Variants in PLCXD3 observed in about 807,000 individuals in gnomAD.
The protein encoded by PLCXD3 is PI-PLC X domain-containing protein 3.
In PLCXD3, 19 loss-of-function variants were observed where a neutral mutation model predicts 25.5. The ratio of observed to expected loss-of-function variants is 0.75; its 90% CI spans 0.52 to 1.09. The LOEUF (loss-of-function observed/expected upper bound fraction) is 1.09, where lower values mean the gene tolerates loss of function less well. Ranked by LOEUF, PLCXD3 falls within the 50% of genes least tolerant of loss-of-function variation. The probability of loss-of-function intolerance (pLI) is 0.00; values close to 1 mark genes in which losing one functional copy is unlikely to be tolerated. For synonymous variants in PLCXD3, 174 were observed against 137.6 expected, an observed-to-expected ratio of 1.26 and a Z score of -1.85; for missense variants, 411 against 388.1, an observed-to-expected ratio of 1.06 and a Z score of -0.50.
At position 41,323,274 on chromosome 5, in the gene PLCXD3, A is replaced by AT. The variant is rs1372368736; in HGVS notation, c.813-9505_813-9504insA. On this transcript the variant is annotated intron_variant, in intron 2 of 2. Transcript: ENST00000377801. The stretch of plus-strand genomic sequence containing the variant: ...GGGGTGGTTAAAAAGTATAAAAAAA[A>AT]GTTAGAAAGAAGAAATGAGATCTAT... 2.0e-5 allele frequency among the ~76,000 whole-genome samples: 3 copies of AT among 152,132 alleles called. No homozygotes were observed. The East Asian group carries it at 5.8e-4, about 29-fold the overall frequency.
At chr5:41,502,384 T>C (rs1399466481) in intron 1 of PLCXD3, among the ~76,000 whole-genome samples, 1 of 151,994 alleles carries the variant, frequency 6.6e-6, no homozygotes, top group East Asian at 1.9e-4. Context: ...TGTCTGTGTG[T>C]ATGTGTATGT....
At chr5:41,366,865 C>T (rs1744952052) in intron 2 of PLCXD3, among the ~76,000 whole-genome samples, 1 of 152,168 alleles carries the variant, frequency 6.6e-6, no homozygotes, top group Non-Finnish European at 1.5e-5. Context: ...TTTTCCTCTC[C>T]CACTTATAAG....
chr5:41,309,624 G>A lies in PLCXD3; in HGVS notation c.*3993C>T, dbSNP rs1743078679. ...CCTGAGACTTCCAACTTTCCAGTCT[G>A]GAATCCTAACAAGGAAGAACCTGAA... On this transcript the variant is annotated 3_prime_UTR_variant, in exon 3 of 3. Coordinates refer to ENST00000377801, the MANE Select transcript of PLCXD3 (RefSeq NM_001005473.3). 6.6e-6 allele frequency: 1 copy of A among 152,118 alleles called. No homozygotes were observed. Among genetic ancestry groups the A allele is most frequent in the South Asian group, 2.1e-4 (1 of 4,830 alleles). The allele number at this position is 152,118 out of a possible 1,614,324, so 9.4% of individuals were successfully genotyped here.
At chr5:41,468,376 T>C (rs1242310453) in intron 1 of PLCXD3, among the ~76,000 whole-genome samples, 1 of 152,124 alleles carries the variant, frequency 6.6e-6, no homozygotes, top group African/African-American at 2.4e-5. Flanking sequence ...TGTGGTTCCA[T>C]GCAAATTTAA....
rs2150464978 is a variant in PLCXD3, at chr5:41,309,171, T to TAA, written c.*4444_*4445dup. 1 of 152,700 alleles carries TAA rather than the reference T, an allele frequency of 6.5e-6. No homozygotes were observed. Among genetic ancestry groups the TAA allele is most frequent in the South Asian group, 2.1e-4 (1 of 4,834 alleles). The allele number at this position is 152,700 out of a possible 1,614,324, so 9.5% of individuals were successfully genotyped here. A position where few individuals can be genotyped will look rare whatever the true frequency, so the allele number is the denominator to read the frequency against. The stretch of plus-strand genomic sequence containing the variant: ...CTTTTGACTCATACAAATATACGTT[T>TAA]AAAACTATTACCTACAAAATAGTAT... On this transcript the variant is annotated 3_prime_UTR_variant, in exon 3 of 3. Transcript: ENST00000377801.
chr5:41,483,805 T>C (rs1748462278), intron 1 of PLCXD3, among the ~76,000 whole-genome samples: 1 of 152,166 alleles, frequency 6.6e-6, no homozygotes, highest in South Asian at 2.1e-4. Context: ...GATGAAATAT[T>C]TTAGAAGTAG....
chr5:41,424,399 G>C (rs1039916310), intron 1 of PLCXD3, among the ~76,000 whole-genome samples: 2 of 152,108 alleles, frequency 1.3e-5, no homozygotes, highest in Non-Finnish European at 2.9e-5. Context: ...AATTAGCCGG[G>C]TGTGGTGGTG....
At chr5:41,394,804 G>A (rs1561258775) in intron 1 of PLCXD3, among the ~76,000 whole-genome samples, 1 of 152,120 alleles carries the variant, frequency 6.6e-6, no homozygotes, top group Non-Finnish European at 1.5e-5. Context: ...GCACCCAACA[G>A]TGGATAACCT....
chr5:41,489,411 G>A (rs1443689482), intron 1 of PLCXD3, among the ~76,000 whole-genome samples: 6 of 151,844 alleles, frequency 4.0e-5, no homozygotes, highest in South Asian at 2.1e-4. Context: ...TTGGCGATGC[G>A]GGCTCTTTTT....
chr5:41,489,939 C>G (rs1228190661), intron 1 of PLCXD3, among the ~76,000 whole-genome samples: 1 of 151,880 alleles, frequency 6.6e-6, no homozygotes, highest in Non-Finnish European at 1.5e-5. Flanking sequence ...CTTCTCCTGC[C>G]TAATTGCCCT....
At chr5:41,370,170 T>A (rs771567563) in intron 2 of PLCXD3, among the ~76,000 whole-genome samples, 1 of 152,168 alleles carries the variant, frequency 6.6e-6, no homozygotes. Flanking sequence ...TGCAAAAAAA[T>A]GAATTATGAC....
intron 2 of PLCXD3, among the ~76,000 whole-genome samples, chr5:41,362,939 A>G (rs1561245870): frequency 6.6e-6 from 1 of 152,208 alleles, no homozygotes; most frequent in Non-Finnish European, 1.5e-5. Context: ...AATAATTCAA[A>G]TGAAACTAGT....
At chr5:41,493,980 T>C (rs1252697331) in intron 1 of PLCXD3, among the ~76,000 whole-genome samples, 1 of 152,228 alleles carries the variant, frequency 6.6e-6, no homozygotes, top group Non-Finnish European at 1.5e-5. Flanking sequence ...CCTAGTGAGA[T>C]GAACCTCGTA....
chr5:41,332,999 A>G (rs1407565013), intron 2 of PLCXD3, among the ~76,000 whole-genome samples: 1 of 152,128 alleles, frequency 6.6e-6, no homozygotes, highest in Non-Finnish European at 1.5e-5. Flanking sequence ...ATGCTAAATG[A>G]CGAGTTAACG....
chr5:41,493,929 G>A (rs916435671), intron 1 of PLCXD3, among the ~76,000 whole-genome samples: 62 of 152,300 alleles, frequency 4.1e-4, no homozygotes, highest in African/African-American at 1.4e-3. Flanking sequence ...CTCGCGCACA[G>A]TGCGCTGCAC....
At position 41,312,188 on chromosome 5, in the gene PLCXD3, G is replaced by A. The variant is rs1308996394; in HGVS notation, c.*1429C>T. ...TGTCATTGTTCTTCCCTGTAGACCC[G>A]GACTATTAAACGTTAGGTTGCAGAA... On this transcript the variant is annotated 3_prime_UTR_variant, in exon 3 of 3. Coordinates refer to ENST00000377801, the MANE Select transcript of PLCXD3 (RefSeq NM_001005473.3). 4 of 152,176 alleles carry A rather than the reference G, an allele frequency of 2.6e-5. No homozygotes were observed. The highest frequency in any genetic ancestry group is 2.9e-5 in the Non-Finnish European group (2 of 67,944). The allele number at this position is 152,176 out of a possible 1,614,324, so 9.4% of individuals were successfully genotyped here.
At chr5:41,488,097 C>G (rs10065795) in intron 1 of PLCXD3, among the ~76,000 whole-genome samples, 11,456 of 137,396 alleles carry the variant, frequency 0.083, 645 homozygotes, top group South Asian at 0.16. Context: ...ACAACAGTCC[C>G]CAGAGTGTGA....
At position 41,430,977 on chromosome 5, in the gene PLCXD3, G is replaced by A. The variant is rs529301977; in HGVS notation, c.104-48443C>T. Among the ~76,000 whole-genome samples the A allele has an allele frequency of 7.9e-5, 12 of 152,212 alleles. No homozygotes were observed. The South Asian group carries it at 2.5e-3, about 32-fold the overall frequency. On this transcript the variant is annotated intron_variant, in intron 1 of 2. Transcript: ENST00000377801. ...TTCCCAGCTTTGAGCTGACCAATTGGTCATCCTCTAATGGGGTATTTGACA... is the reference window on the plus strand; with the variant it reads ...TTCCCAGCTTTGAGCTGACCAATTGATCATCCTCTAATGGGGTATTTGACA...
chr5:41,489,513 C>A (rs1279965256), intron 1 of PLCXD3, among the ~76,000 whole-genome samples: 1 of 152,172 alleles, frequency 6.6e-6, no homozygotes, highest in African/African-American at 2.4e-5. Flanking sequence ...CTGTAAATTA[C>A]CTTGGGCAGT....
Sources: allele counts gnomAD v4.1 joint callset (sites outside exome capture counted in the v4.1 genomes callset), GRCh38; gene constraint gnomAD v4.1.1; transcripts MANE v1.5; gene names NCBI Gene and HGNC (gene_info 2026-07-23, HGNC 2026-07-21).